The following CDH18 variants were observed in gnomAD, a reference collection of about 807,000 sequenced individuals.
CDH18 encodes the protein cadherin 18.
A neutral mutation model predicts 67.9 loss-of-function variants in CDH18; 31 were observed. That is an observed-to-expected ratio of 0.46 (90% CI 0.34 to 0.62). The LOEUF (loss-of-function observed/expected upper bound fraction) is 0.62, where lower values mean the gene tolerates loss of function less well. Ranked by LOEUF, CDH18 falls within the 20% of genes least tolerant of loss-of-function variation. The probability of loss-of-function intolerance (pLI) is 0.01; values close to 1 mark genes in which losing one functional copy is unlikely to be tolerated. For missense variants in CDH18, 890 were observed against 975.5 expected, an observed-to-expected ratio of 0.91 and a Z score of 1.17; for synonymous variants, 362 against 347.2, an observed-to-expected ratio of 1.04 and a Z score of -0.48.
chr5:20,100,354 T>C (rs1008942243), intron 2 of CDH18, among the ~76,000 whole-genome samples: 1 of 152,146 alleles, frequency 6.6e-6, no homozygotes, highest in Non-Finnish European at 1.5e-5. Context: ...GAGACATATA[T>C]TGAGTGACAA....
At chr5:19,618,050 C>T (rs1750114279) in intron 5 of CDH18, among the ~76,000 whole-genome samples, 1 of 152,102 alleles carries the variant, frequency 6.6e-6, no homozygotes, top group African/African-American at 2.4e-5. Context: ...CCACAGAAGA[C>T]TGCAAAATAA....
At chr5:19,763,718 GA>G (rs1772673690) in intron 3 of CDH18, among the ~76,000 whole-genome samples, 1 of 152,074 alleles carries the variant, frequency 6.6e-6, no homozygotes, top group African/African-American at 2.4e-5. Context: ...GAATAGGTGA[GA>G]AGAGAAGAAT....
intron 1 of CDH18, among the ~76,000 whole-genome samples, chr5:20,397,693 G>A (rs1244215974): frequency 3.9e-5 from 6 of 152,046 alleles, no homozygotes; most frequent in Non-Finnish European, 7.4e-5. Context: ...TGCTGTGAGA[G>A]TAAAATGGGT....
intron 2 of CDH18, among the ~76,000 whole-genome samples, chr5:19,952,400 C>A (rs554852419): frequency 6.4e-4 from 97 of 152,274 alleles, no homozygotes; most frequent in African/African-American, 2.3e-3. Context: ...AACCTAATAA[C>A]TCTGCTTCCT....
At chr5:19,594,345 G>T (rs920305685) in intron 6 of CDH18, among the ~76,000 whole-genome samples, 5 of 152,060 alleles carry the variant, frequency 3.3e-5, no homozygotes, top group Admixed American at 2.6e-4. Flanking sequence ...TAGAGACAGG[G>T]TTTCACTATG....
chr5:20,413,671 C>G (rs1400604638), intron 1 of CDH18, among the ~76,000 whole-genome samples: 2 of 152,082 alleles, frequency 1.3e-5, no homozygotes, highest in African/African-American at 4.8e-5. Context: ...TTGATTTTTT[C>G]TTGTAAATTT....
At chr5:20,542,349 G>C (rs528794861) in intron 1 of CDH18, among the ~76,000 whole-genome samples, 1 of 151,432 alleles carries the variant, frequency 6.6e-6, no homozygotes, top group East Asian at 1.9e-4. Flanking sequence ...TAGATGAGAG[G>C]AAGAAATTGG....
intron 1 of CDH18, among the ~76,000 whole-genome samples, chr5:20,275,208 G>A (rs1411340418): frequency 6.6e-6 from 1 of 152,080 alleles, no homozygotes; most frequent in Non-Finnish European, 1.5e-5. Context: ...TGGAGGAGGT[G>A]CCTAATGGGA....
At chr5:20,295,588 A>G (rs957807067) in intron 1 of CDH18, among the ~76,000 whole-genome samples, 2 of 151,772 alleles carry the variant, frequency 1.3e-5, no homozygotes, top group East Asian at 4.0e-4. Flanking sequence ...TTAGTTGGGC[A>G]TGGTGGCGTG....
At chr5:20,047,580 C>T (rs778352280) in intron 2 of CDH18, among the ~76,000 whole-genome samples, 119 of 151,766 alleles carry the variant, frequency 7.8e-4, no homozygotes, top group Non-Finnish European at 2.7e-4. Flanking sequence ...AGAACTATAA[C>T]ACTCAAATGA....
chr5:19,554,454 G>A (rs560963621), intron 8 of CDH18, among the ~76,000 whole-genome samples: 3 of 152,098 alleles, frequency 2.0e-5, no homozygotes, highest in Non-Finnish European at 2.9e-5. Flanking sequence ...GAAGACTGAG[G>A]CAGGAGAATC....
chr5:19,934,281 G>C (rs2150208824), intron 2 of CDH18, among the ~76,000 whole-genome samples: 1 of 151,586 alleles, frequency 6.6e-6, no homozygotes, highest in Middle Eastern at 3.4e-3. Flanking sequence ...TGTGCTGGAT[G>C]ATTTCTGTAT....
chr5:19,578,932 C>T (rs1742765168), intron 7 of CDH18, among the ~76,000 whole-genome samples: 1 of 151,812 alleles, frequency 6.6e-6, no homozygotes, highest in Non-Finnish European at 1.5e-5. Context: ...TGGAAAGGAG[C>T]ATTTTATTTG....
intron 1 of CDH18, among the ~76,000 whole-genome samples, chr5:20,433,710 T>C (rs1748950928): frequency 6.6e-6 from 1 of 152,002 alleles, no homozygotes; most frequent in Admixed American, 6.6e-5. Flanking sequence ...TGGGGACTAA[T>C]TGTATATTTA....
intron 2 of CDH18, among the ~76,000 whole-genome samples, chr5:20,006,192 AT>A (rs1736890374): frequency 6.6e-6 from 1 of 151,832 alleles, no homozygotes; most frequent in Non-Finnish European, 1.5e-5. Flanking sequence ...TCAAAGAGAA[AT>A]TTTTTTAACC....
At position 20,503,599 on chromosome 5, in the gene CDH18, G is replaced by T. The variant is rs546416504; in HGVS notation, c.-580+71863C>A. 3.3e-5 allele frequency among the ~76,000 whole-genome samples: 5 copies of T among 152,256 alleles called. No individual in the cohort carries two copies. The South Asian group carries it at 1.0e-3, about 32-fold the overall frequency. On this transcript the variant is annotated intron_variant, in intron 1 of 14. Transcript: ENST00000507958. ...ATCTCCAGAGGTTCCCAAGAGTGGG[G>T]CAATAGAAGGAGATGAATAGCAATA...
chr5:19,477,203 G>C (rs114512091), intron 12 of CDH18, among the ~76,000 whole-genome samples: 2,821 of 150,640 alleles, frequency 0.019, 85 homozygotes, highest in African/African-American at 0.064. Context: ...AGGGGATGTT[G>C]TTCATAATTA....
chr5:20,514,233 A>G (rs1755222236), intron 1 of CDH18, among the ~76,000 whole-genome samples: 1 of 151,970 alleles, frequency 6.6e-6, no homozygotes. Flanking sequence ...TGTTTGACCA[A>G]TGTATTTCTT....
chr5:20,020,581 AGGCCACTG>A (rs1424905159), intron 2 of CDH18, among the ~76,000 whole-genome samples: 2 of 152,152 alleles, frequency 1.3e-5, no homozygotes, highest in Admixed American at 6.5e-5. Flanking sequence ...GATACATATC[AGGCCACTG>A]CTCCAGAGGG....
Sources: allele counts gnomAD v4.1 joint callset (sites outside exome capture counted in the v4.1 genomes callset), GRCh38; gene constraint gnomAD v4.1.1; transcripts MANE v1.5; gene names NCBI Gene and HGNC (gene_info 2026-07-23, HGNC 2026-07-21).